Variants in RP1 observed in about 807,000 individuals in gnomAD.
The protein encoded by RP1 is oxygen-regulated protein 1.
Under a neutral mutation model 14.8 loss-of-function variants are expected in RP1, and 16 were observed. The ratio of observed to expected loss-of-function variants is 1.08; its 90% CI spans 0.73 to 1.65. The LOEUF is 1.65. Among genes scored for constraint, RP1 ranks in the 40% most tolerant of loss-of-function variants. The probability of loss-of-function intolerance (pLI) is 0.00; values close to 1 mark genes in which losing one functional copy is unlikely to be tolerated. For missense variants in RP1, 2,631 were observed against 2,535.0 expected, an observed-to-expected ratio of 1.04 and a Z score of -0.81; for synonymous variants, 876 against 883.6, an observed-to-expected ratio of 0.99 and a Z score of 0.15.
At chr8:54,671,374 C>T (rs1217654069) in intron 7 of RP1, among the ~76,000 whole-genome samples, 1 of 151,994 alleles carries the variant, frequency 6.6e-6, no homozygotes, top group Non-Finnish European at 1.5e-5. Flanking sequence ...CATTTCACTC[C>T]TCAGATTTTA....
intron 17 of RP1, among the ~76,000 whole-genome samples, chr8:54,730,627 A>G (rs1467633033): frequency 1.3e-5 from 2 of 152,130 alleles, no homozygotes; most frequent in Non-Finnish European, 2.9e-5. Context: ...TGTAAAACAT[A>G]TAACTGATCT....
chr8:54,646,501 T>C (rs1806552965), intron 3 of RP1, among the ~76,000 whole-genome samples: 12 of 152,184 alleles, frequency 7.9e-5, no homozygotes, highest in Admixed American at 7.9e-4. Context: ...TACTCCTCCC[T>C]AGACAGTGGT....
intron 28 of RP1, among the ~76,000 whole-genome samples, chr8:54,869,588 C>T (rs1376368929): frequency 6.6e-6 from 1 of 152,120 alleles, no homozygotes; most frequent in Non-Finnish European, 1.5e-5. Flanking sequence ...TGTAATGTTA[C>T]CAGAGGACTT....
At chr8:54,701,205 AG>A (rs1808007615) in intron 13 of RP1, among the ~76,000 whole-genome samples, 1 of 152,196 alleles carries the variant, frequency 6.6e-6, no homozygotes, top group African/African-American at 2.4e-5. Flanking sequence ...AAAAATGATA[AG>A]ATACATATTA....
intron 6 of RP1, among the ~76,000 whole-genome samples, chr8:54,658,918 A>G (rs566513472): frequency 3.3e-5 from 5 of 151,484 alleles, no homozygotes; most frequent in African/African-American, 1.2e-4. Context: ...GGCCATCCTA[A>G]TGGGTGTGAG....
chr8:54,741,767 C>A (rs1257369882), intron 19 of RP1, among the ~76,000 whole-genome samples: 1 of 104,034 alleles, frequency 9.6e-6, no homozygotes, highest in Non-Finnish European at 1.9e-5. Flanking sequence ...ATGTGCTTTG[C>A]CCTTTTAGTG....
At chr8:54,652,656 T>TC in intron 4 of RP1, 1 of 669,104 alleles carries the variant, frequency 1.5e-6, no homozygotes, top group South Asian at 1.8e-5. Flanking sequence ...TGTGCACATG[T>TC]TTATAATTCT....
intron 1 of RP1, among the ~76,000 whole-genome samples, chr8:54,572,229 TAA>T (rs1220865701): frequency 3.9e-5 from 6 of 152,242 alleles, no homozygotes; most frequent in African/African-American, 1.4e-4. Flanking sequence ...GGCTAATTGC[TAA>T]GTCTGGAACA....
intron 26 of RP1, among the ~76,000 whole-genome samples, chr8:54,854,343 C>G: frequency 6.6e-6 from 1 of 152,162 alleles, no homozygotes; most frequent in East Asian, 1.9e-4. Flanking sequence ...AGAAACATAT[C>G]CACACATCCT....
At chr8:54,679,997 C>A in intron 12 of RP1, 1 of 1,486,566 alleles carries the variant, frequency 6.7e-7, no homozygotes, top group South Asian at 1.3e-5. Flanking sequence ...AGGTAGATTT[C>A]TAGACACAGT....
intron 16 of RP1, among the ~76,000 whole-genome samples, chr8:54,720,588 A>G (rs1470330548): frequency 6.6e-6 from 1 of 152,100 alleles, no homozygotes; most frequent in Admixed American, 6.5e-5. Context: ...TGCATGTTTG[A>G]ATCTTTGTTT....
chr8:54,699,914 T>C (rs1411889172), intron 13 of RP1, among the ~76,000 whole-genome samples: 3 of 152,184 alleles, frequency 2.0e-5, no homozygotes, highest in African/African-American at 7.2e-5. Context: ...TAGTTTAGAT[T>C]TGAAAAGTAG....
chr8:54,789,596 T>C (rs1347445909), intron 24 of RP1, among the ~76,000 whole-genome samples: 1 of 152,164 alleles, frequency 6.6e-6, no homozygotes, highest in African/African-American at 2.4e-5. Context: ...CTATGGCCCC[T>C]TTCAGCTGTG....
At chr8:54,662,676 G>T (rs1383052880) in intron 6 of RP1, among the ~76,000 whole-genome samples, 1 of 152,106 alleles carries the variant, frequency 6.6e-6, no homozygotes, top group Admixed American at 6.6e-5. Flanking sequence ...CATATCTGAG[G>T]TCCCAGTACC....
chr8:54,650,918 A>AAGTGCCCTTTATCATGTTCAGGAAGTTCT (rs1806643457), intron 4 of RP1, among the ~76,000 whole-genome samples: 1 of 151,852 alleles, frequency 6.6e-6, no homozygotes, highest in African/African-American at 2.4e-5. Flanking sequence ...TTCTCACGAT[A>AAGTGCCCTTTATCATGTTCAGGAAGTTCT]AGTGCCCTTT....
rs1563333973 is a variant in RP1, at chr8:54,630,304, T to TA, written c.6423dup (p.Leu2142IlefsTer5). 1.9e-6 allele frequency: 3 copies of TA among 1,613,750 alleles called. No individual in the cohort carries two copies. Among genetic ancestry groups the TA allele is most frequent in the Non-Finnish European group, 1.7e-6 (2 of 1,179,780 alleles). Reference sequence around the variant, plus strand: ...CTTTTCATTTGGGAAGAGGAAGACATATTAAATTTAACTGATCTTGAAAGC... The same window carrying TA: ...CTTTTCATTTGGGAAGAGGAAGACATAATTAAATTTAACTGATCTTGAAAGC... On this transcript the variant is annotated frameshift_variant, in exon 4 of 4. Coordinates refer to ENST00000220676, the MANE Select transcript of RP1 (RefSeq NM_006269.2). LOFTEE classifies it low-confidence loss of function (END_TRUNC).
chr8:54,695,424 G>T (rs567074706), intron 12 of RP1, among the ~76,000 whole-genome samples: 1 of 151,762 alleles, frequency 6.6e-6, no homozygotes, highest in Admixed American at 6.6e-5. Flanking sequence ...TTAAAATAAA[G>T]AAATTTTTAT....
chr8:54,837,631 A>T (rs1811692446), exon 25 of RP1: 3 of 1,231,914 alleles, frequency 2.4e-6, no homozygotes, highest in South Asian at 8.2e-5. Flanking sequence ...CTATGGAAGG[A>T]AATACCCATC....
rs1393955485 is a variant in RP1, at chr8:54,625,585, C to A, written c.1703C>A (p.Ser568Ter). Residue 568 changes from serine to a stop codon, truncating the protein, a stop_gained, in exon 4 of 4, where the codon TCA becomes TAA. Coordinates refer to ENST00000220676, the MANE Select transcript of RP1 (RefSeq NM_006269.2). LOFTEE classifies it low-confidence loss of function (END_TRUNC). The stretch of plus-strand genomic sequence containing the variant: ...ATGTCACATAATAATGGTTTGCCAT[C>A]AACTATATCAAATAACTCAATTGTG... ...LEMSHNNGLP[S>*]TISNNSIVEE... 2 of 1,613,932 alleles carry A rather than the reference C, an allele frequency of 1.2e-6. No homozygotes were observed. The highest frequency in any genetic ancestry group is 2.7e-5 in the African/African-American group (2 of 74,918).
Sources: gnomAD v4.1 joint callset for allele counts (sites outside exome capture counted in the v4.1 genomes callset) on GRCh38, gnomAD v4.1.1 for gene constraint, MANE v1.5 for transcripts, NCBI Gene and HGNC (gene_info 2026-07-23, HGNC 2026-07-21) for gene names.